The following RPS6KC1 variants were observed in gnomAD, a reference collection of about 807,000 sequenced individuals.
RPS6KC1 encodes the protein inactive ribosomal protein S6 kinase delta-1.
RPS6KC1 carries 54 observed loss-of-function variants against 103.8 expected under a neutral mutation model. The ratio of observed to expected loss-of-function variants is 0.52; its 90% CI spans 0.42 to 0.65. The LOEUF is 0.65. RPS6KC1 is among the 30% of genes least tolerant of loss of function. The probability of loss-of-function intolerance (pLI) is 0.00; values close to 1 mark genes in which losing one functional copy is unlikely to be tolerated. For synonymous variants in RPS6KC1, 439 were observed against 438.7 expected, an observed-to-expected ratio of 1.00 and a Z score of -0.01; for missense variants, 1,151 against 1,253.8, an observed-to-expected ratio of 0.92 and a Z score of 1.24.
At chr1:213,058,624 T>C (rs1026485096) in intron 1 of RPS6KC1, among the ~76,000 whole-genome samples, 1 of 152,186 alleles carries the variant, frequency 6.6e-6, no homozygotes, top group Non-Finnish European at 1.5e-5. Flanking sequence ...TGGATTCTCT[T>C]ATTTTGTTCC....
the RPS6KC1 span, among the ~76,000 whole-genome samples, chr1:213,662,928 G>C: frequency 1.3e-5 from 2 of 152,140 alleles, no homozygotes. Context: ...GCCACCAATT[G>C]GTGAGCTACA....
chr1:213,482,698 A>G, the RPS6KC1 span, among the ~76,000 whole-genome samples: 1 of 151,424 alleles, frequency 6.6e-6, no homozygotes, highest in Admixed American at 6.6e-5. Context: ...ACAGGCATGC[A>G]CCACCACGCC....
At chr1:213,508,526 G>GGGTTT in the RPS6KC1 span, among the ~76,000 whole-genome samples, 1 of 152,066 alleles carries the variant, frequency 6.6e-6, no homozygotes, top group East Asian at 1.9e-4. Flanking sequence ...CACCAGTAAG[G>GGGTTT]GGTTTGTGTG....
the RPS6KC1 span, among the ~76,000 whole-genome samples, chr1:213,370,028 CT>C: frequency 1.3e-5 from 2 of 152,152 alleles, no homozygotes; most frequent in African/African-American, 4.8e-5. Context: ...ACTATGGTGC[CT>C]GTGTTGAGGA....
At chr1:213,670,118 G>A in the RPS6KC1 span, among the ~76,000 whole-genome samples, 1 of 152,222 alleles carries the variant, frequency 6.6e-6, no homozygotes, top group Non-Finnish European at 1.5e-5. Context: ...TCCTACAGGG[G>A]GCATTGAAGG....
chr1:213,199,526 TCA>T (rs2093074427), intron 8 of RPS6KC1, among the ~76,000 whole-genome samples: 2 of 152,252 alleles, frequency 1.3e-5, no homozygotes, highest in African/African-American at 4.8e-5. Context: ...CATGACAAAC[TCA>T]CAGCCAACCT....
At chr1:213,631,002 C>T in the RPS6KC1 span, among the ~76,000 whole-genome samples, 1 of 152,174 alleles carries the variant, frequency 6.6e-6, no homozygotes, top group African/African-American at 2.4e-5. Flanking sequence ...GCATAGGACC[C>T]TCTGAGCCAG....
the RPS6KC1 span, among the ~76,000 whole-genome samples, chr1:213,691,597 C>T: frequency 6.6e-6 from 1 of 152,030 alleles, no homozygotes. Context: ...TTTCGGTCTC[C>T]AAAGCATCTT....
chr1:213,561,225 T>G, the RPS6KC1 span, among the ~76,000 whole-genome samples: 1 of 152,256 alleles, frequency 6.6e-6, no homozygotes, highest in Non-Finnish European at 1.5e-5. Flanking sequence ...GAAGACTTTC[T>G]TTTCCCTAAT....
chr1:213,153,075 C>G (rs942890990), intron 6 of RPS6KC1, among the ~76,000 whole-genome samples: 1 of 152,230 alleles, frequency 6.6e-6, no homozygotes, highest in Non-Finnish European at 1.5e-5. Flanking sequence ...CCGTCTCCAC[C>G]AAAACCAGTC....
At chr1:213,500,103 T>C in the RPS6KC1 span, among the ~76,000 whole-genome samples, 1 of 152,226 alleles carries the variant, frequency 6.6e-6, no homozygotes, top group East Asian at 1.9e-4. Context: ...TTCAAAACTT[T>C]TAAATTTTTT....
chr1:213,299,202 C>A, the RPS6KC1 span, among the ~76,000 whole-genome samples: 1 of 152,204 alleles, frequency 6.6e-6, no homozygotes, highest in Admixed American at 6.5e-5. Flanking sequence ...GACCTAGCTG[C>A]AGAAATCACA....
At chr1:213,742,493 A>G in the RPS6KC1 span, among the ~76,000 whole-genome samples, 1 of 152,238 alleles carries the variant, frequency 6.6e-6, no homozygotes, top group Admixed American at 6.5e-5. Context: ...ATTTTAGCTG[A>G]AGAATACCTT....
rs759476637 is a variant in RPS6KC1 at position 213,167,960 on chromosome 1, A to G, written c.938A>G (p.Asp313Gly). The G allele has an allele frequency of 4.4e-6, 7 of 1,607,514 alleles. No individual in the cohort carries two copies. The highest frequency in any genetic ancestry group is 6.0e-6 in the Non-Finnish European group (7 of 1,174,290). The change falls in exon 7 of 15, where the codon GAT becomes GGT. Residue 313 changes from aspartate to glycine, a missense_variant. By Grantham distance (94) the Asp-to-Gly change is moderately conservative. Around this residue, in one of 3 missense-constraint regions of RPS6KC1, gnomAD observed 959 missense variants for 1,006.3 expected, o/e 0.95. Transcript: ENST00000366960. ...AGTCTTTATGGGAAACCTCAGCTTG[A>G]TGATGTATCTCAGGTATGTCTCATA... Reference protein sequence around the residue: ...ISSLYGKPQLDDVSQPPGSLS... With the variant: ...ISSLYGKPQLGDVSQPPGSLS...
chr1:213,301,683 A>G, the RPS6KC1 span, among the ~76,000 whole-genome samples: 1 of 151,346 alleles, frequency 6.6e-6, no homozygotes, highest in African/African-American at 2.4e-5. Flanking sequence ...TAGGTGACAG[A>G]GCAAGACCCA....
At chr1:213,199,229 A>G (rs918168248) in intron 8 of RPS6KC1, among the ~76,000 whole-genome samples, 1 of 152,346 alleles carries the variant, frequency 6.6e-6, no homozygotes, top group African/African-American at 2.4e-5. Flanking sequence ...ATGAATATCA[A>G]GGCAAATTCC....
At chr1:213,622,648 G>A in the RPS6KC1 span, among the ~76,000 whole-genome samples, 3 of 152,202 alleles carry the variant, frequency 2.0e-5, no homozygotes, top group South Asian at 4.2e-4. Flanking sequence ...CTGCACGTAT[G>A]TCTCTGGGCA....
intron 6 of RPS6KC1, among the ~76,000 whole-genome samples, chr1:213,150,814 C>T (rs1224046394): frequency 2.6e-5 from 4 of 152,244 alleles, no homozygotes; most frequent in South Asian, 2.1e-4. Flanking sequence ...GGCCCGTTCT[C>T]AATGAGCCGT....
At chr1:213,332,098 G>T in the RPS6KC1 span, among the ~76,000 whole-genome samples, 1 of 151,904 alleles carries the variant, frequency 6.6e-6, no homozygotes, top group Non-Finnish European at 1.5e-5. Context: ...TGTGTCCCAG[G>T]TTGGATAATG....
Sources: allele counts gnomAD v4.1 joint callset (sites outside exome capture counted in the v4.1 genomes callset), GRCh38; gene constraint gnomAD v4.1.1; regional missense constraint gnomAD v4.1.1; transcripts MANE v1.5; gene names NCBI Gene and HGNC (gene_info 2026-07-23, HGNC 2026-07-21).